TMEM132C: variants seen among roughly 807,000 people sequenced by gnomAD.
TMEM132C encodes the protein transmembrane protein 132C.
TMEM132C carries 29 observed loss-of-function variants against 61.4 expected under a neutral mutation model. The ratio of observed to expected loss-of-function variants is 0.47; its 90% CI spans 0.35 to 0.64. TMEM132C has a LOEUF of 0.64. Ranked by LOEUF, TMEM132C falls within the 30% of genes least tolerant of loss-of-function variation. TMEM132C has a pLI of 0.00. For synonymous variants in TMEM132C, 656 were observed against 633.1 expected, an observed-to-expected ratio of 1.04 and a Z score of -0.54; for missense variants, 1,408 against 1,476.9, an observed-to-expected ratio of 0.95 and a Z score of 0.76.
At chr12:128,522,983 C>T (rs1388014243) in intron 2 of TMEM132C, among the ~76,000 whole-genome samples, 1 of 152,092 alleles carries the variant, frequency 6.6e-6, no homozygotes, top group Non-Finnish European at 1.5e-5. Flanking sequence ...GTGTTTACAA[C>T]AGTCAGACGG....
chr12:128,397,482 C>T (rs761919530), intron 1 of TMEM132C, among the ~76,000 whole-genome samples: 7 of 152,120 alleles, frequency 4.6e-5, no homozygotes, highest in African/African-American at 7.2e-5. Flanking sequence ...AAAGGTCATA[C>T]GAGGGGGTCT....
At chr12:128,611,059 C>A (rs1227251170) in intron 3 of TMEM132C, among the ~76,000 whole-genome samples, 1 of 152,192 alleles carries the variant, frequency 6.6e-6, no homozygotes, top group African/African-American at 2.4e-5. Flanking sequence ...GCATCAAGTT[C>A]TGTTCTAAGC....
At position 128,415,759 on chromosome 12, in the gene TMEM132C, A is replaced by G; in HGVS notation, c.974+139A>G. The G allele has an allele frequency of 1.0e-6, 1 of 966,844 alleles. No homozygotes were observed. 59.9% of individuals were successfully genotyped at this position (966,844 alleles called of 1,614,324 possible). A position where few individuals can be genotyped will look rare whatever the true frequency, so the allele number is the denominator to read the frequency against. Reference sequence around the variant, plus strand: ...GTTTGGCATTAACAGGGGAAGGCAAATTATGCACCTGCCCACATGCTCTCA... The same window carrying G: ...GTTTGGCATTAACAGGGGAAGGCAAGTTATGCACCTGCCCACATGCTCTCA... On this transcript the variant is annotated intron_variant, in intron 2 of 8. Coordinates refer to ENST00000435159, the MANE Select transcript of TMEM132C (RefSeq NM_001136103.3). The surrounding 1 kb of genome is among the most constrained non-coding windows in gnomAD (Gnocchi z 5.8).
chr12:128,690,727 T>C (rs969341476), intron 5 of TMEM132C, among the ~76,000 whole-genome samples: 2 of 152,204 alleles, frequency 1.3e-5, no homozygotes, highest in Non-Finnish European at 2.9e-5. Context: ...TTAATCAGCA[T>C]GTAAACATTT....
chr12:128,599,637 G>A (rs1457805781), intron 3 of TMEM132C, among the ~76,000 whole-genome samples: 1 of 152,226 alleles, frequency 6.6e-6, no homozygotes, highest in Non-Finnish European at 1.5e-5. Context: ...TAGATAAGCT[G>A]AATCTGCAAA....
intron 3 of TMEM132C, among the ~76,000 whole-genome samples, chr12:128,602,198 C>T (rs1371042568): frequency 6.6e-6 from 1 of 152,110 alleles, no homozygotes; most frequent in Non-Finnish European, 1.5e-5. Flanking sequence ...AGAGCAAGAC[C>T]GTGTCTCTAA....
intron 1 of TMEM132C, among the ~76,000 whole-genome samples, chr12:128,349,344 A>G (rs1039569496): frequency 6.6e-6 from 1 of 152,120 alleles, no homozygotes; most frequent in Non-Finnish European, 1.5e-5. Flanking sequence ...CCATCAAATG[A>G]CCCATGCTGC....
rs1430049553 is a variant in TMEM132C at position 128,630,134 on chromosome 12, G to C, written c.1305+13799G>C. ...AGGGACAGCATGGCCTTGGGGACTT[G>C]GGAAAGCCTGGGTGCCCCCCTCCAA... is the stretch of plus-strand genomic sequence containing the variant. On this transcript the variant is annotated intron_variant, in intron 4 of 8. Transcript: ENST00000435159. This position sits in a 1 kb window ranked among gnomAD's most constrained non-coding sequence, Gnocchi z 4.3. Among the ~76,000 whole-genome samples, 1 of 152,118 alleles carries C rather than the reference G, an allele frequency of 6.6e-6. No individual in the cohort carries two copies. The highest frequency in any genetic ancestry group is 1.5e-5 in the Non-Finnish European group (1 of 68,012).
chr12:128,663,715 A>G (rs112162062), intron 4 of TMEM132C, among the ~76,000 whole-genome samples: 2 of 141,488 alleles, frequency 1.4e-5, no homozygotes, highest in African/African-American at 2.9e-5. Flanking sequence ...GCGTGTGTGT[A>G]TGTGTGTGTG....
chr12:128,455,803 C>T (rs544916278), intron 2 of TMEM132C, among the ~76,000 whole-genome samples: 51 of 152,158 alleles, frequency 3.4e-4, no homozygotes, highest in Admixed American at 9.2e-4. Context: ...TAATCCAGGC[C>T]GACTTACGGG....
chr12:128,329,128 GT>G (rs1177223020), intron 1 of TMEM132C, among the ~76,000 whole-genome samples: 2 of 152,194 alleles, frequency 1.3e-5, no homozygotes, highest in African/African-American at 2.4e-5. Context: ...CCAAGGCAAG[GT>G]TTTGGTAACC....
chr12:128,648,424 G>T (rs112556375), intron 4 of TMEM132C, among the ~76,000 whole-genome samples: 783 of 145,680 alleles, frequency 5.4e-3, no homozygotes, highest in African/African-American at 0.021. Flanking sequence ...GGATGTGAGT[G>T]TGTTTACTGG....
chr12:128,656,453 C>T (rs539262487), intron 4 of TMEM132C, among the ~76,000 whole-genome samples: 7 of 152,266 alleles, frequency 4.6e-5, no homozygotes, highest in East Asian at 3.9e-4. Flanking sequence ...GGAAAAAGGA[C>T]GAAAGAAATG....
intron 3 of TMEM132C, 125 bp downstream of exon 3, chr12:128,544,228 G>A (rs1266952426): frequency 1.5e-5 from 20 of 1,334,408 alleles, no homozygotes; most frequent in African/African-American, 6.0e-5. Flanking sequence ...AACCCACCAC[G>A]TGGAAATCTG....
At chr12:128,413,441 A>G (rs1000468307) in intron 1 of TMEM132C, among the ~76,000 whole-genome samples, 1 of 151,942 alleles carries the variant, frequency 6.6e-6, no homozygotes, top group African/African-American at 2.4e-5. Context: ...TGTAATGCCA[A>G]GTTCCCTTCC....
In TMEM132C at chr12:128,473,243, C is replaced by T. The variant is rs146208642; in HGVS notation, c.974+57623C>T. 1.6e-3 allele frequency among the ~76,000 whole-genome samples: 242 copies of T among 149,922 alleles called. 1 individual carries two copies. The highest frequency in any genetic ancestry group is 5.6e-3 in the African/African-American group (229 of 40,718). ...GCCTCCATCTTTGTCCTTACTCCAGCGTCTATCTTCATCCTCACTCCAACC... is the reference window on the plus strand; with the variant it reads ...GCCTCCATCTTTGTCCTTACTCCAGTGTCTATCTTCATCCTCACTCCAACC... On this transcript the variant is annotated intron_variant, in intron 2 of 8. Transcript: ENST00000435159.
In TMEM132C at chr12:128,690,841, A is replaced by G. The variant is rs566524362; in HGVS notation, c.1450-2988A>G. Among the ~76,000 whole-genome samples the G allele has an allele frequency of 1.7e-3, 266 of 152,274 alleles. 1 individual carries two copies. Among genetic ancestry groups the G allele is most frequent in the African/African-American group, 6.2e-3 (256 of 41,558 alleles). ...TGCTCCCTGCCACTGTCCCCAGCAGATGGAGCAAATTCTCTCAGCCCAGCC... is the reference window on the plus strand; with the variant it reads ...TGCTCCCTGCCACTGTCCCCAGCAGGTGGAGCAAATTCTCTCAGCCCAGCC... On this transcript the variant is annotated intron_variant, in intron 5 of 8. Coordinates refer to ENST00000435159, the MANE Select transcript of TMEM132C (RefSeq NM_001136103.3).
At chr12:128,340,959 T>C (rs1872961326) in intron 1 of TMEM132C, among the ~76,000 whole-genome samples, 1 of 151,242 alleles carries the variant, frequency 6.6e-6, no homozygotes, top group Non-Finnish European at 1.5e-5. Flanking sequence ...TTTCTTTCTT[T>C]CTTTCTTTTT....
intron 1 of TMEM132C, among the ~76,000 whole-genome samples, chr12:128,347,158 C>T: frequency 6.6e-6 from 1 of 152,164 alleles, no homozygotes; most frequent in East Asian, 1.9e-4. Context: ...TTCTCACTTA[C>T]AGATGAGAAC....
Sources: gnomAD v4.1 joint callset for allele counts (sites outside exome capture counted in the v4.1 genomes callset) on GRCh38, gnomAD v4.1.1 for gene constraint, Gnocchi (gnomAD v3.1) non-coding constraint, MANE v1.5 for transcripts, NCBI Gene and HGNC (gene_info 2026-07-23, HGNC 2026-07-21) for gene names.